Variants in ISG20 observed in about 807,000 individuals in gnomAD.
The protein encoded by ISG20 is interferon-stimulated gene 20 kDa protein.
A neutral mutation model predicts 11.1 loss-of-function variants in ISG20; 8 were observed. That is an observed-to-expected ratio of 0.72 (90% CI 0.42 to 1.30). The LOEUF is 1.30. Ranked by LOEUF, ISG20 falls within the 50% of genes most tolerant of loss-of-function variation. ISG20 has a pLI of 0.01. For missense variants in ISG20, 243 were observed against 250.2 expected, an observed-to-expected ratio of 0.97 and a Z score of 0.19; for synonymous variants, 110 against 101.7, an observed-to-expected ratio of 1.08 and a Z score of -0.49.
In ISG20 at chr15:88,655,450, G is replaced by C; in HGVS notation, c.465G>C (p.Ala155=). 3.7e-6 allele frequency: 6 copies of C among 1,614,004 alleles called. No homozygotes were observed. Among genetic ancestry groups the C allele is most frequent in the Non-Finnish European group, 5.1e-6 (6 of 1,180,002 alleles). ...TTGGACACAGCTCGGTGGAAGATGCGAGGGCAACGATGGAGCTCTATCAAA... is the reference window on the plus strand; with the variant it reads ...TTGGACACAGCTCGGTGGAAGATGCCAGGGCAACGATGGAGCTCTATCAAA... ...SLLGHSSVED[A]RATMELYQIS... The change falls in exon 4 of 4, where the codon GCG becomes GCC. Residue 155 remains alanine (A), a synonymous_variant. Coordinates refer to ENST00000306072, the MANE Select transcript of ISG20 (RefSeq NM_002201.6).
At chr15:88,636,136 G>T (rs551264826), upstream of ISG20, 2 of 152,394 alleles carry the variant, frequency 1.3e-5, no homozygotes, top group South Asian at 4.1e-4. Context: ...GCCACAGAGT[G>T]GCCGACTTGT....
chr15:88,651,796 A>G, intron 2 of ISG20: 2 of 1,181,314 alleles, frequency 1.7e-6, no homozygotes, highest in Admixed American at 4.1e-5. Context: ...ATTAAACAAC[A>G]TAATATACAT....
upstream of ISG20, chr15:88,637,460 T>A (rs531939539): frequency 1.3e-5 from 2 of 151,928 alleles, no homozygotes; most frequent in Non-Finnish European, 2.9e-5. Context: ...CAAAGGACCC[T>A]TTTGAGCAGG....
chr15:88,652,250 C>G lies in ISG20; in HGVS notation c.369C>G (p.Asp123Glu), dbSNP rs1028905579. 3.7e-6 allele frequency: 6 copies of G among 1,613,990 alleles called. No individual in the cohort carries two copies. The highest frequency in any genetic ancestry group is 4.2e-6 in the Non-Finnish European group (5 of 1,179,922). ...TGTTGTGGCGTGAGGCCAAGCTGGACCACTGCAGGCGTGTCTCCCTGCGGG... is the reference window on the plus strand; with the variant it reads ...TGTTGTGGCGTGAGGCCAAGCTGGAGCACTGCAGGCGTGTCTCCCTGCGGG... ...DRLLWREAKL[D>E]HCRRVSLRVL... is the part of the protein sequence containing the mutation. Residue 123 changes from aspartate (D) to glutamate (E), a missense_variant, in exon 3 of 4, where the codon GAC becomes GAG. Transcript: ENST00000306072.
chr15:88,639,470 G>T lies in ISG20; in HGVS notation c.104G>T (p.Gly35Val), dbSNP rs771740851. The stretch of plus-strand genomic sequence containing the variant: ...CGTTGCAGCCTCGTGAACGTCCACG[G>T]TGCTGTGCTGTACGACAAGTTCATC... ...LARCSLVNVHGAVLYDKFIRP... is the reference protein window; with the variant it reads ...LARCSLVNVHVAVLYDKFIRP... Residue 35 changes from glycine to valine, a missense_variant, in exon 2 of 4, where the codon GGT (glycine) becomes GTT (valine). By Grantham distance (109) the Gly-to-Val change is moderately radical. Transcript: ENST00000306072. The surrounding 1 kb of genome is among the most constrained non-coding windows in gnomAD (Gnocchi z 4.2). The T allele has an allele frequency of 6.2e-6, 10 of 1,614,046 alleles. No homozygotes were observed. The Admixed American group carries it at 1.7e-4, about 27-fold the overall frequency.
chr15:88,652,966 C>A (rs952624997), intron 3 of ISG20, among the ~76,000 whole-genome samples: 3 of 151,890 alleles, frequency 2.0e-5, no homozygotes, highest in African/African-American at 7.3e-5. Flanking sequence ...ACTGATTCCG[C>A]AGCACTTCTG....
upstream of ISG20, among the ~76,000 whole-genome samples, chr15:88,638,452 A>G (rs2058020076): frequency 6.6e-6 from 1 of 152,188 alleles, no homozygotes; most frequent in Non-Finnish European, 1.5e-5. Flanking sequence ...CACTGGAGGC[A>G]GAGCTCATTG....
intron 2 of ISG20, chr15:88,647,195 A>C (rs1318873134): frequency 1.3e-5 from 2 of 152,310 alleles, no homozygotes; most frequent in Admixed American, 6.5e-5. Context: ...GGGAGTCCCA[A>C]GTCCACCCAG....
chr15:88,652,639 C>T (rs142449096), intron 3 of ISG20, among the ~76,000 whole-genome samples: 2 of 126,042 alleles, frequency 1.6e-5, no homozygotes, highest in Admixed American at 8.2e-5. Context: ...CCCTCCCTTT[C>T]CTCCTCCTCC....
intron 2 of ISG20, chr15:88,651,851 G>A (rs1596059831): frequency 7.5e-6 from 10 of 1,341,292 alleles, no homozygotes; most frequent in Admixed American, 3.2e-5. Flanking sequence ...TACTCAGGAT[G>A]TACTAACCAT....
rs768810848 is a variant in ISG20 at position 88,654,359 on chromosome 15, TAAAAC to T, written c.430-1053_430-1049del. Among the ~76,000 whole-genome samples the T allele has an allele frequency of 9.2e-5, 14 of 152,170 alleles. No individual in the cohort carries two copies. The South Asian group carries it at 1.9e-3, about 20-fold the overall frequency. On this transcript the variant is annotated intron_variant, in intron 3 of 3. Transcript: ENST00000306072. ...AAAAATAAAACTAAACATTAAAAAA[TAAAAC>T]AATACAGCGTAATAACGGCAACAAG...
chr15:88,638,402 C>T (rs1258260419), upstream of ISG20, among the ~76,000 whole-genome samples: 1 of 152,218 alleles, frequency 6.6e-6, no homozygotes, highest in Middle Eastern at 3.2e-3. Flanking sequence ...TGGGGCCTCC[C>T]CGAAGGCCTG....
intron 2 of ISG20, among the ~76,000 whole-genome samples, chr15:88,641,220 G>T (rs1018953221): frequency 1.3e-5 from 2 of 152,044 alleles, no homozygotes; most frequent in African/African-American, 4.8e-5. Context: ...GGTCTCGCTC[G>T]AACTCCTGAC....
intron 2 of ISG20, among the ~76,000 whole-genome samples, chr15:88,646,390 G>T (rs1219458542): frequency 6.6e-6 from 1 of 152,200 alleles, no homozygotes; most frequent in Non-Finnish European, 1.5e-5. Context: ...TCAGATTCTG[G>T]CTCCTGAGCT....
In ISG20 at chr15:88,654,480, G is replaced by C. The variant is rs151068283; in HGVS notation, c.430-935G>C. On this transcript the variant is annotated intron_variant, in intron 3 of 3. Transcript: ENST00000306072. ...AAAGGAGCCCCTGTGAGAACAGGAA[G>C]TCCTCTCTCGACAGAGGGACACCAA... Among the ~76,000 whole-genome samples the C allele has an allele frequency of 5.1e-3, 781 of 152,332 alleles. 6 individuals are homozygous for C. Among genetic ancestry groups the C allele is most frequent in the African/African-American group, 0.017 (712 of 41,576 alleles).
chr15:88,639,352 G>A lies in ISG20; in HGVS notation c.-15G>A, dbSNP rs1025149663. 1.9e-6 allele frequency: 3 copies of A among 1,599,238 alleles called. No homozygotes were observed. The African/African-American group carries it at 4.0e-5, about 21-fold the overall frequency. On this transcript the variant is annotated 5_prime_UTR_variant, in exon 2 of 4. Transcript: ENST00000306072. This position sits in a 1 kb window ranked among gnomAD's most constrained non-coding sequence, Gnocchi z 4.2. Reference sequence around the variant, plus strand: ...ATACCCCTCTCTCCAGCATCTCTGAGGGTCCCCAAGGAACATGGCTGGGAG... The same window carrying A: ...ATACCCCTCTCTCCAGCATCTCTGAAGGTCCCCAAGGAACATGGCTGGGAG...
Position 88,643,345 on chromosome 15 carries a change from A to G in ISG20, c.228+3751A>G, listed in dbSNP as rs2058113745. ...TTTTGGATATGTTAGGTTAAATAAA[A>G]CGTTAAAATTAATTTCACCTATTTA... On this transcript the variant is annotated intron_variant, in intron 2 of 3. Transcript: ENST00000306072. This position sits in a 1 kb window ranked among gnomAD's most constrained non-coding sequence, Gnocchi z 4.4. Among the ~76,000 whole-genome samples the G allele has an allele frequency of 6.6e-6, 1 of 152,212 alleles. No individual in the cohort carries two copies. Among genetic ancestry groups the G allele is most frequent in the African/African-American group, 2.4e-5 (1 of 41,462 alleles).
At chr15:88,641,673 C>T (rs369353280) in intron 2 of ISG20, among the ~76,000 whole-genome samples, 1 of 152,104 alleles carries the variant, frequency 6.6e-6, no homozygotes, top group East Asian at 1.9e-4. Context: ...GCTCTGTCGC[C>T]CAGGCTGGAG....
rs1196518509 is a variant in ISG20, at chr15:88,656,093, T to C, written c.*562T>C. 1 of 152,364 alleles carries C rather than the reference T, an allele frequency of 6.6e-6. No homozygotes were observed. Among genetic ancestry groups the C allele is most frequent in the Non-Finnish European group, 1.5e-5 (1 of 68,146 alleles). 9.4% of individuals were successfully genotyped at this position (152,364 alleles called of 1,614,324 possible). ...GTCAGAGAGAAGTAGGTTGGAATCC[T>C]CTTTGTCATTTAGTAGCTGTTTGAC... On this transcript the variant is annotated 3_prime_UTR_variant, in exon 4 of 4. Coordinates refer to ENST00000306072, the MANE Select transcript of ISG20 (RefSeq NM_002201.6).
Sources: allele counts gnomAD v4.1 joint callset (sites outside exome capture counted in the v4.1 genomes callset), GRCh38; gene constraint gnomAD v4.1.1; non-coding constraint Gnocchi (gnomAD v3.1); transcripts MANE v1.5; gene names NCBI Gene and HGNC (gene_info 2026-07-23, HGNC 2026-07-21).